HAUS7: variants seen among roughly 807,000 people sequenced by gnomAD.
HAUS7 encodes the protein HAUS augmin like complex subunit 7.
A neutral mutation model predicts 28.4 loss-of-function variants in HAUS7; 3 were observed. The observed-to-expected ratio is 0.11, with a 90% CI of 0.05 to 0.27. HAUS7 has a LOEUF of 0.27. HAUS7 is among the 10% of genes least tolerant of loss of function. The pLI is 1.00. For missense variants in HAUS7, 284 were observed against 297.3 expected (o/e 0.96, Z 0.33); for synonymous variants, 165 against 132.1 (o/e 1.25, Z -1.71).
At chrX:153,479,473 G>T (rs2089584571) in intron 1 of HAUS7, 1 of 604,203 alleles carries the variant, frequency 1.7e-6, no homozygotes, top group Non-Finnish European at 2.0e-6. Flanking sequence ...GCTGCAAAGG[G>T]CCCATGGCCC....
At chrX:153,474,651 G>T (rs1348345520), upstream of HAUS7, among the ~76,000 whole-genome samples, 1 of 108,691 alleles carries the variant, frequency 9.2e-6, no homozygotes, top group African/African-American at 3.3e-5. Flanking sequence ...GGGACCTTTG[G>T]GTTTCCCGCT....
intron 9 of HAUS7, among the ~76,000 whole-genome samples, chrX:153,448,917 C>A (rs1276008067): frequency 1.4e-4 from 16 of 112,860 alleles, no homozygotes; most frequent in Admixed American, 4.6e-4. Flanking sequence ...AGTGAGGAGG[C>A]AGGGGCTGTC....
At chrX:153,449,361 T>C in intron 9 of HAUS7, among the ~76,000 whole-genome samples, 1 of 112,320 alleles carries the variant, frequency 8.9e-6, no homozygotes, top group Non-Finnish European at 1.9e-5. Context: ...CCGCCTGGAA[T>C]TGCGCCCCAG....
intron 7 of HAUS7, 61 bp from the exon 8 acceptor site, chrX:153,455,827 G>A (rs2089300338): frequency 1.4e-6 from 1 of 693,931 alleles, no homozygotes; most frequent in African/African-American, 2.1e-5. Flanking sequence ...GCTGCCACCG[G>A]CCCTCACCTC....
At chrX:153,464,348 C>G (rs908588285) in intron 3 of HAUS7, among the ~76,000 whole-genome samples, 1 of 112,802 alleles carries the variant, frequency 8.9e-6, no homozygotes, top group South Asian at 3.6e-4. Context: ...TGCTCTAAAA[C>G]AACACCTCCT....
At chrX:153,481,261 C>A in intron 1 of HAUS7, 1 of 639,364 alleles carries the variant, frequency 1.6e-6, no homozygotes, top group Non-Finnish European at 1.9e-6. Flanking sequence ...CCCAGGCTGG[C>A]TGAGTCACTG....
At chrX:153,489,817 C>T (rs2089660637) in intron 1 of HAUS7, among the ~76,000 whole-genome samples, 1 of 112,471 alleles carries the variant, frequency 8.9e-6, no homozygotes, top group Non-Finnish European at 1.9e-5. Context: ...ACGGGCCCAC[C>T]CCTCGCCTTC....
chrX:153,478,291 C>T (rs1238733973), intron 1 of HAUS7, among the ~76,000 whole-genome samples: 3 of 112,148 alleles, frequency 2.7e-5, no homozygotes, highest in African/African-American at 9.7e-5. Context: ...TCCGGCAGCC[C>T]TCTGAGGGTG....
chrX:153,490,269 C>A (rs782277963), intron 1 of HAUS7, among the ~76,000 whole-genome samples: 1 of 113,143 alleles, frequency 8.8e-6, no homozygotes, highest in Non-Finnish European at 1.9e-5. Context: ...CAGGCCTCCC[C>A]GGAGCCCCCA....
chrX:153,463,454 T>A lies in HAUS7; in HGVS notation c.293-783A>T, dbSNP rs1001728249. Among the ~76,000 whole-genome samples, 4 of 111,419 alleles carry A rather than the reference T, an allele frequency of 3.6e-5. No homozygotes were observed. The Admixed American group carries it at 3.8e-4, about 10-fold the overall frequency. On this transcript the variant is annotated intron_variant, in intron 3 of 9. Transcript: ENST00000370211. ...GTCCAGCCAACTCTATAAATCCAGA[T>A]CTGGCCAGCGCTGCCTCCTGCACTG...
intron 2 of HAUS7, among the ~76,000 whole-genome samples, chrX:153,466,345 A>G (rs1556984283): frequency 8.9e-6 from 1 of 112,408 alleles, no homozygotes; most frequent in African/African-American, 3.2e-5. Context: ...CCCAGTAGCC[A>G]GACTCAGTAA....
intron 1 of HAUS7, among the ~76,000 whole-genome samples, chrX:153,470,149 T>G (rs782120421): frequency 1.8e-5 from 2 of 113,180 alleles, no homozygotes; most frequent in East Asian, 5.6e-4. Context: ...AGGCCAGGCC[T>G]GGGTCCTCTG....
intron 9 of HAUS7, among the ~76,000 whole-genome samples, chrX:153,450,491 C>T (rs2089225620): frequency 8.9e-6 from 1 of 112,555 alleles, no homozygotes; most frequent in Non-Finnish European, 1.9e-5. Flanking sequence ...CTGCCACCTT[C>T]CCCGCCCGCT....
At chrX:153,475,527 C>T (rs782023789), upstream of HAUS7, among the ~76,000 whole-genome samples, 8 of 112,308 alleles carry the variant, frequency 7.1e-5, no homozygotes, top group African/African-American at 2.3e-4. Context: ...AGATGGGTTT[C>T]CTCTAGGGAA....
chrX:153,448,279 C>T (rs1296792710), intron 9 of HAUS7, among the ~76,000 whole-genome samples: 31 of 107,851 alleles, frequency 2.9e-4, no homozygotes, highest in African/African-American at 1.1e-3. Context: ...TCATTCTCAG[C>T]AAACTATCGC....
chrX:153,470,663 C>A (rs782465844), upstream of HAUS7: 1,133 of 1,070,441 alleles, frequency 1.1e-3, 10 homozygotes, highest in African/African-American at 0.018. Context: ...GCGCCCACCC[C>A]CTTCCCGACC....
At chrX:153,449,117 T>A (rs782013326) in intron 9 of HAUS7, among the ~76,000 whole-genome samples, 1 of 110,840 alleles carries the variant, frequency 9.0e-6, no homozygotes, top group African/African-American at 3.3e-5. Flanking sequence ...ATCATCCCCC[T>A]CCCCCAGCAG....
At chrX:153,461,707 G>A in intron 4 of HAUS7, 1 of 194,848 alleles carries the variant, frequency 5.1e-6, no homozygotes, top group Non-Finnish European at 9.4e-6. Flanking sequence ...CACCGAGCAG[G>A]GTGGCTAGAA....
At chrX:153,476,690 C>T (rs1322549105) in intron 1 of HAUS7, among the ~76,000 whole-genome samples, 1 of 112,198 alleles carries the variant, frequency 8.9e-6, no homozygotes. Context: ...GGGAGGGAAG[C>T]TTGTTCCTGA....
Sources: gnomAD v4.1 joint callset for allele counts (sites outside exome capture counted in the v4.1 genomes callset) on GRCh38, gnomAD v4.1.1 for gene constraint, MANE v1.5 for transcripts, NCBI Gene and HGNC (gene_info 2026-07-23, HGNC 2026-07-21) for gene names.